Variants in CGRRF1 observed in about 807,000 individuals in gnomAD.
CGRRF1 encodes the protein cell growth regulator with ring finger domain 1, also known as cell growth regulator with RING finger domain protein 1.
Under a neutral mutation model 37.2 loss-of-function variants are expected in CGRRF1, and 32 were observed. The observed-to-expected ratio is 0.86, with a 90% CI of 0.65 to 1.16. The LOEUF (loss-of-function observed/expected upper bound fraction) is 1.16, where lower values mean the gene tolerates loss of function less well. CGRRF1 is among the 50% of genes most tolerant of loss of function. The probability of loss-of-function intolerance (pLI) is 0.00; values close to 1 mark genes in which losing one functional copy is unlikely to be tolerated. For missense variants in CGRRF1, 391 were observed against 382.6 expected, an observed-to-expected ratio of 1.02 and a Z score of -0.18; for synonymous variants, 141 against 140.3, an observed-to-expected ratio of 1.00 and a Z score of -0.04.
At chr14:54,536,495 TG>T (rs1469691454) in intron 4 of CGRRF1, 11 of 152,202 alleles carry the variant, frequency 7.2e-5, no homozygotes, top group African/African-American at 2.7e-4. Context: ...TGTACCTTTT[TG>T]GAAAAAAACA....
chr14:54,519,933 C>A (rs950698379), intron 1 of CGRRF1, among the ~76,000 whole-genome samples: 1 of 152,172 alleles, frequency 6.6e-6, no homozygotes, highest in African/African-American at 2.4e-5. Context: ...CCACATTAAT[C>A]CACTCTTTTA....
rs781095102 is a variant in CGRRF1, at chr14:54,531,086, A to G, written c.570+36A>G. On this transcript the variant is annotated intron_variant, in intron 4 of 5. Transcript: ENST00000216420. ...GAAAATTTTGAAAGCATTACCTTTA[A>G]GTGATTTGAATGGTGGTTCTTCATT... 2.0e-6 allele frequency: 3 copies of G among 1,472,960 alleles called. No individual in the cohort carries two copies. In the African/African-American group the frequency reaches 4.2e-5, roughly 21 times the overall value. The allele number at this position is 1,472,960 out of a possible 1,614,324, so 91.2% of individuals were successfully genotyped here. A position where few individuals can be genotyped will look rare whatever the true frequency, so the allele number is the denominator to read the frequency against.
chr14:54,536,002 C>G (rs1349408436), intron 4 of CGRRF1: 1 of 152,198 alleles, frequency 6.6e-6, no homozygotes, highest in Non-Finnish European at 1.5e-5. Flanking sequence ...TTAGTTCTCT[C>G]AAAAGTCAGA....
intron 1 of CGRRF1, among the ~76,000 whole-genome samples, chr14:54,519,697 A>G (rs1306958640): frequency 6.6e-6 from 1 of 152,238 alleles, no homozygotes; most frequent in Admixed American, 6.5e-5. Flanking sequence ...CTTGGTTGCC[A>G]CTGTCTGCTG....
chr14:54,515,094 T>TTTG (rs2032192876), intron 1 of CGRRF1, among the ~76,000 whole-genome samples: 1 of 148,428 alleles, frequency 6.7e-6, no homozygotes, highest in Admixed American at 6.7e-5. Flanking sequence ...TTTTTTGTTT[T>TTTG]TTTTTTTTTT....
intron 2 of CGRRF1, among the ~76,000 whole-genome samples, chr14:54,525,399 T>G (rs986511493): frequency 1.5e-4 from 23 of 152,244 alleles, no homozygotes; most frequent in Non-Finnish European, 2.8e-4. Context: ...AGTAGCCCTC[T>G]TAGCTATGCC....
At chr14:54,521,459 C>G (rs1460585668) in intron 1 of CGRRF1, among the ~76,000 whole-genome samples, 1 of 149,656 alleles carries the variant, frequency 6.7e-6, no homozygotes, top group Admixed American at 6.6e-5. Flanking sequence ...GAAACTCCAT[C>G]TCAAAAAAAA....
At chr14:54,533,204 G>T (rs1005885444) in intron 4 of CGRRF1, among the ~76,000 whole-genome samples, 2 of 151,362 alleles carry the variant, frequency 1.3e-5, no homozygotes, top group African/African-American at 4.9e-5. Flanking sequence ...AACCATTTTT[G>T]TGTGTGTGTT....
chr14:54,526,652 G>A lies in CGRRF1; in HGVS notation c.245-3397G>A, dbSNP rs1406235884. ...AAAGTTAGATACTCAGTGTATATAAGTTGAGTTGAATTAATTTGATTCAGG... is the reference window on the plus strand; with the variant it reads ...AAAGTTAGATACTCAGTGTATATAAATTGAGTTGAATTAATTTGATTCAGG... On this transcript the variant is annotated intron_variant, in intron 2 of 5. Transcript: ENST00000216420. Among the ~76,000 whole-genome samples, 4 of 152,140 alleles carry A rather than the reference G, an allele frequency of 2.6e-5. No individual in the cohort carries two copies. In the East Asian group the frequency reaches 5.8e-4, roughly 22 times the overall value.
At chr14:54,516,500 A>G (rs1829367598) in intron 1 of CGRRF1, among the ~76,000 whole-genome samples, 2 of 152,120 alleles carry the variant, frequency 1.3e-5, no homozygotes, top group Admixed American at 6.5e-5. Context: ...AAAGCTACTG[A>G]CATTCTTATC....
rs146709056 is a variant in CGRRF1, at chr14:54,511,075, TA to T, written c.104+1013del. The stretch of plus-strand genomic sequence containing the variant: ...CATCTCAGAGAAGACAGCATGAGCA[TA>T]GGGGCAGAGAACATGTTAGTGAATA... On this transcript the variant is annotated intron_variant, in intron 1 of 5. Coordinates refer to ENST00000216420, the MANE Select transcript of CGRRF1 (RefSeq NM_006568.3). 4.4e-3 allele frequency among the ~76,000 whole-genome samples: 673 copies of T among 152,292 alleles called. 1 individual carries two copies. Among genetic ancestry groups the T allele is most frequent in the Non-Finnish European group, 7.5e-3 (508 of 68,008 alleles).
chr14:54,527,149 T>G (rs954824480), intron 2 of CGRRF1, among the ~76,000 whole-genome samples: 4 of 152,102 alleles, frequency 2.6e-5, no homozygotes, highest in Non-Finnish European at 5.9e-5. Context: ...GCTATTGATC[T>G]AAAGTGATGT....
At chr14:54,516,973 A>G (rs1399888479) in intron 1 of CGRRF1, among the ~76,000 whole-genome samples, 1 of 152,136 alleles carries the variant, frequency 6.6e-6, no homozygotes, top group East Asian at 1.9e-4. Context: ...TATCTAAAAC[A>G]TTATCTTTTT....
chr14:54,533,708 T>C (rs1348468721), intron 4 of CGRRF1, among the ~76,000 whole-genome samples: 1 of 152,080 alleles, frequency 6.6e-6, no homozygotes, highest in Non-Finnish European at 1.5e-5. Flanking sequence ...GGAACCACTT[T>C]GTTGTTTTAG....
chr14:54,510,133 G>A (rs2032105876), intron 1 of CGRRF1, 70 bp downstream of exon 1: 1 of 1,215,984 alleles, frequency 8.2e-7, no homozygotes, highest in Non-Finnish European at 1.2e-6. Flanking sequence ...AGCAGCAGGG[G>A]GCACCGGAGC....
In CGRRF1 at chr14:54,509,955, C is replaced by G. The variant is rs371219880; in HGVS notation, c.-5C>G. 5.0e-6 allele frequency: 8 copies of G among 1,608,684 alleles called. No individual in the cohort carries two copies. The highest frequency in any genetic ancestry group is 3.3e-5 in the South Asian group (3 of 90,960). ...GAGCCGGGCTCTACCCAGAGCAAGA[C>G]CCTGATGGCTGCGGTGTTTCTGGTA... On this transcript the variant is annotated 5_prime_UTR_variant, in exon 1 of 6. Coordinates refer to ENST00000216420, the MANE Select transcript of CGRRF1 (RefSeq NM_006568.3).
intron 1 of CGRRF1, among the ~76,000 whole-genome samples, chr14:54,520,520 G>A (rs546632045): frequency 1.3e-5 from 2 of 152,190 alleles, no homozygotes; most frequent in South Asian, 2.1e-4. Context: ...GATACTGAAC[G>A]TTACCGTCAA....
chr14:54,532,822 T>C (rs1360281225), intron 4 of CGRRF1, among the ~76,000 whole-genome samples: 1 of 152,060 alleles, frequency 6.6e-6, no homozygotes, highest in Non-Finnish European at 1.5e-5. Context: ...TCTGGCTTCC[T>C]CCCTCCTTTC....
At chr14:54,533,218 A>G (rs969665037) in intron 4 of CGRRF1, among the ~76,000 whole-genome samples, 1 of 151,728 alleles carries the variant, frequency 6.6e-6, no homozygotes, top group Admixed American at 6.6e-5. Context: ...GTGTGTTTTC[A>G]GTTCAGTGGC....
Sources: allele counts gnomAD v4.1 joint callset (sites outside exome capture counted in the v4.1 genomes callset), GRCh38; gene constraint gnomAD v4.1.1; transcripts MANE v1.5; gene names NCBI Gene and HGNC (gene_info 2026-07-23, HGNC 2026-07-21).